Variants in IKZF2 observed in about 807,000 individuals in gnomAD.
IKZF2 encodes the protein zinc finger protein Helios.
IKZF2 carries 15 observed loss-of-function variants against 49.2 expected under a neutral mutation model. The observed-to-expected ratio is 0.30, with a 90% CI of 0.20 to 0.47. The LOEUF (loss-of-function observed/expected upper bound fraction) is 0.47, where lower values mean the gene tolerates loss of function less well. IKZF2 is among the 20% of genes least tolerant of loss of function. IKZF2 has a pLI of 1.00. For missense variants in IKZF2, 567 were observed against 664.6 expected, an observed-to-expected ratio of 0.85 and a Z score of 1.61; for synonymous variants, 227 against 221.4, an observed-to-expected ratio of 1.03 and a Z score of -0.23.
chr2:213,026,859 C>T (rs1222325788), intron 6 of IKZF2, among the ~76,000 whole-genome samples: 1 of 152,028 alleles, frequency 6.6e-6, no homozygotes, highest in Non-Finnish European at 1.5e-5. Flanking sequence ...AACACTTTCT[C>T]CCAGATTCTA....
chr2:213,127,322 T>G (rs1319598609), intron 4 of IKZF2, among the ~76,000 whole-genome samples: 3 of 152,162 alleles, frequency 2.0e-5, no homozygotes, highest in Admixed American at 1.3e-4. Context: ...ACATACTAAT[T>G]TCAAACCTCT....
intron 4 of IKZF2, among the ~76,000 whole-genome samples, chr2:213,113,331 T>C (rs1273475753): frequency 6.6e-6 from 1 of 152,184 alleles, no homozygotes. Flanking sequence ...AGTAGCCTAA[T>C]CTTTACAGTA....
intron 4 of IKZF2, among the ~76,000 whole-genome samples, chr2:213,079,748 A>C (rs1703724716): frequency 6.6e-6 from 1 of 152,120 alleles, no homozygotes; most frequent in South Asian, 2.1e-4. Flanking sequence ...TACTTTCTCT[A>C]TGTTTTCCTA....
rs569379526 is a variant in IKZF2 at position 213,083,428 on chromosome 2, T to C, written c.140-26329A>G. ...TTTTTGAGACGGAGTTTCGCTCTTG[T>C]TGCCCAGGCTGGAGTGCAATGGCGC... On this transcript the variant is annotated intron_variant, in intron 4 of 8. Transcript: ENST00000434687. Among the ~76,000 whole-genome samples the C allele has an allele frequency of 8.8e-4, 130 of 147,912 alleles. 1 individual carries two copies. The highest frequency in any genetic ancestry group is 3.2e-3 in the African/African-American group (125 of 39,220).
intron 4 of IKZF2, among the ~76,000 whole-genome samples, chr2:213,058,595 C>T (rs928354163): frequency 6.6e-6 from 1 of 151,802 alleles, no homozygotes; most frequent in Admixed American, 6.6e-5. Flanking sequence ...TAACAGAGTA[C>T]CAACTATATT....
chr2:213,037,085 A>G (rs1260206379), intron 6 of IKZF2, among the ~76,000 whole-genome samples: 6 of 152,180 alleles, frequency 3.9e-5, no homozygotes, highest in Non-Finnish European at 8.8e-5. Flanking sequence ...GGAAGGGAAA[A>G]TGTGAAATGG....
chr2:213,107,028 A>G (rs1004591874), intron 4 of IKZF2, among the ~76,000 whole-genome samples: 4 of 152,180 alleles, frequency 2.6e-5, no homozygotes, highest in Non-Finnish European at 5.9e-5. Flanking sequence ...TCATAAACCT[A>G]GAAATCAACT....
At chr2:213,019,518 CA>C (rs1191970099) in intron 7 of IKZF2, among the ~76,000 whole-genome samples, 2 of 152,068 alleles carry the variant, frequency 1.3e-5, no homozygotes, top group African/African-American at 2.4e-5. Context: ...GGCATGTTAA[CA>C]ACAGATAGAG....
chr2:213,019,380 A>G (rs1436289348), intron 7 of IKZF2, among the ~76,000 whole-genome samples: 1 of 152,196 alleles, frequency 6.6e-6, no homozygotes, highest in African/African-American at 2.4e-5. Context: ...TCTGTTTAAA[A>G]AGAGACATAT....
At chr2:213,039,838 G>A (rs1473926342) in intron 6 of IKZF2, among the ~76,000 whole-genome samples, 4 of 151,968 alleles carry the variant, frequency 2.6e-5, no homozygotes, top group East Asian at 1.9e-4. Context: ...TTCTTAAAAT[G>A]AGGATGAACA....
At chr2:213,133,087 T>C (rs1260710167) in intron 4 of IKZF2, among the ~76,000 whole-genome samples, 2 of 152,246 alleles carry the variant, frequency 1.3e-5, no homozygotes, top group Non-Finnish European at 2.9e-5. Flanking sequence ...ACTAAAAGCA[T>C]GTCCTTCCTA....
At chr2:213,112,627 C>G (rs932795402) in intron 4 of IKZF2, among the ~76,000 whole-genome samples, 7 of 152,022 alleles carry the variant, frequency 4.6e-5, no homozygotes, top group African/African-American at 1.7e-4. Context: ...GGGCCCAGCT[C>G]AATATTCCAT....
At chr2:213,049,601 G>T (rs1251865468) in intron 6 of IKZF2, 112 bp downstream of exon 6, 2 of 689,884 alleles carry the variant, frequency 2.9e-6, no homozygotes, top group African/African-American at 1.8e-5. Flanking sequence ...CCAATAACAA[G>T]ATTGTCTTGG....
chr2:213,119,101 G>C (rs1009460042), intron 4 of IKZF2, among the ~76,000 whole-genome samples: 8 of 152,200 alleles, frequency 5.3e-5, no homozygotes, highest in African/African-American at 1.4e-4. Context: ...AATAAAGAAA[G>C]ATTGTGAAGA....
At chr2:213,013,459 C>T (rs1401530809) in intron 8 of IKZF2, among the ~76,000 whole-genome samples, 4 of 151,228 alleles carry the variant, frequency 2.6e-5, no homozygotes, top group Non-Finnish European at 5.9e-5. Flanking sequence ...AAACAGATTA[C>T]AAAACTGGCC....
chr2:213,088,688 G>A (rs1704953464), intron 4 of IKZF2, among the ~76,000 whole-genome samples: 1 of 152,118 alleles, frequency 6.6e-6, no homozygotes, highest in Non-Finnish European at 1.5e-5. Flanking sequence ...AACCCAGAAG[G>A]CGGAGGTTGC....
At chr2:213,129,673 T>G (rs1412075525) in intron 4 of IKZF2, among the ~76,000 whole-genome samples, 5 of 152,120 alleles carry the variant, frequency 3.3e-5, no homozygotes, top group Admixed American at 3.3e-4. Context: ...GATTTGGGTT[T>G]TAGAAAGTCA....
intron 4 of IKZF2, among the ~76,000 whole-genome samples, chr2:213,105,713 T>C (rs545268273): frequency 6.6e-6 from 1 of 152,184 alleles, no homozygotes; most frequent in Non-Finnish European, 1.5e-5. Context: ...AATTTGTGAT[T>C]ATCAAATGCT....
chr2:213,107,951 GAA>G (rs1414697810), intron 4 of IKZF2, among the ~76,000 whole-genome samples: 7 of 152,050 alleles, frequency 4.6e-5, no homozygotes, highest in Non-Finnish European at 1.0e-4. Context: ...ATGATTAAGT[GAA>G]ATGTAAACCA....
Sources: allele counts gnomAD v4.1 joint callset (sites outside exome capture counted in the v4.1 genomes callset), GRCh38; gene constraint gnomAD v4.1.1; transcripts MANE v1.5; gene names NCBI Gene and HGNC (gene_info 2026-07-23, HGNC 2026-07-21).